The following RORA variants were observed in gnomAD, a reference collection of about 807,000 sequenced individuals.
The protein encoded by RORA is nuclear receptor ROR-alpha.
RORA carries 7 observed loss-of-function variants against 69.5 expected under a neutral mutation model. That is an observed-to-expected ratio of 0.10 (90% confidence interval 0.06 to 0.19). The LOEUF is 0.19. Among genes scored for constraint, RORA ranks in the 10% least tolerant of loss-of-function variants. The pLI, the probability that RORA is intolerant of heterozygous loss-of-function variation, is 1.00. For synonymous variants in RORA, 261 were observed against 240.8 expected, an observed-to-expected ratio of 1.08 and a Z score of -0.78; for missense variants, 457 against 663.0, an observed-to-expected ratio of 0.69 and a Z score of 3.41.
At chr15:60,859,651 C>CTTTTTTTTTTTTTTTTT (rs1208480913) in intron 1 of RORA, among the ~76,000 whole-genome samples, 2 of 96,424 alleles carry the variant, frequency 2.1e-5, no homozygotes, top group Non-Finnish European at 3.9e-5. Context: ...TTCTTTCTTT[C>CTTTTTTTTTTTTTTTTT]TTTCTTTTTT....
In RORA at chr15:60,728,579, G is replaced by A. The variant is rs146662069; in HGVS notation, c.167-49893C>T. Among the ~76,000 whole-genome samples the A allele has an allele frequency of 5.6e-3, 857 of 152,212 alleles. 7 individuals carry two copies. The highest frequency in any genetic ancestry group is 0.019 in the African/African-American group (783 of 41,502). On this transcript the variant is annotated intron_variant, in intron 1 of 10. Transcript: ENST00000335670. ...CAGAGACACACAATTCACTTATAAA[G>A]TTGAATGAGGGGATTAAAAATGAAG...
At chr15:61,190,863 A>T (rs2079792446) in intron 1 of RORA, among the ~76,000 whole-genome samples, 1 of 152,242 alleles carries the variant, frequency 6.6e-6, no homozygotes, top group African/African-American at 2.4e-5. Flanking sequence ...ATATATATTT[A>T]TATAAAGTAT....
intron 1 of RORA, among the ~76,000 whole-genome samples, chr15:60,893,702 G>A (rs1179306860): frequency 6.6e-6 from 1 of 152,092 alleles, no homozygotes; most frequent in Non-Finnish European, 1.5e-5. Flanking sequence ...AAGCCTCTAG[G>A]GGATCAATAA....
intron 1 of RORA, among the ~76,000 whole-genome samples, chr15:60,988,351 T>C (rs961478382): frequency 1.3e-5 from 2 of 152,132 alleles, no homozygotes. Flanking sequence ...AGCATGCTAA[T>C]AGCCAGGAAG....
intron 1 of RORA, among the ~76,000 whole-genome samples, chr15:60,723,681 C>T (rs2140827838): frequency 6.6e-6 from 1 of 152,286 alleles, no homozygotes; most frequent in African/African-American, 2.4e-5. Context: ...GGAGTACACA[C>T]AACTCCATCC....
intron 10 of RORA, among the ~76,000 whole-genome samples, chr15:60,498,155 G>T (rs1287543766): frequency 6.6e-6 from 1 of 152,156 alleles, no homozygotes; most frequent in African/African-American, 2.4e-5. Flanking sequence ...TCAATAACTA[G>T]AAAAGATGTT....
At chr15:60,923,263 T>C (rs1274716882) in intron 1 of RORA, among the ~76,000 whole-genome samples, 2 of 152,242 alleles carry the variant, frequency 1.3e-5, no homozygotes, top group Admixed American at 6.5e-5. Context: ...TAGAAGTTCT[T>C]ACCACGTTTT....
chr15:60,888,967 C>T (rs113661026), intron 1 of RORA, among the ~76,000 whole-genome samples: 204 of 152,280 alleles, frequency 1.3e-3, no homozygotes, highest in Non-Finnish European at 1.9e-3. Context: ...AAAAACAATG[C>T]GTCTTCAATT....
intron 2 of RORA, among the ~76,000 whole-genome samples, chr15:60,553,648 C>T (rs1169634774): frequency 6.6e-6 from 1 of 152,190 alleles, no homozygotes; most frequent in Non-Finnish European, 1.5e-5. Flanking sequence ...TACCCTACCC[C>T]TATCTGCCTA....
intron 1 of RORA, among the ~76,000 whole-genome samples, chr15:61,181,575 T>A (rs1039926266): frequency 1.6e-4 from 23 of 147,642 alleles, no homozygotes; most frequent in African/African-American, 5.8e-4. Flanking sequence ...CTGAAATTAA[T>A]CAGACTTTGT....
Position 60,788,641 on chromosome 15 carries a change from C to G in RORA, c.167-109955G>C, listed in dbSNP as rs189016353. Reference sequence around the variant, plus strand: ...AGCTTGGCCTGTGCCTCCCTCCTTTCCTCCCCAGGCAGGATCCACACAGTC... The same window carrying G: ...AGCTTGGCCTGTGCCTCCCTCCTTTGCTCCCCAGGCAGGATCCACACAGTC... On this transcript the variant is annotated intron_variant, in intron 1 of 10. Coordinates refer to ENST00000335670, the MANE Select transcript of RORA (RefSeq NM_134261.3). Among the ~76,000 whole-genome samples, 540 of 152,250 alleles carry G rather than the reference C, an allele frequency of 3.5e-3. 2 individuals carry two copies. Among genetic ancestry groups the G allele is most frequent in the Non-Finnish European group, 4.8e-3 (328 of 68,008 alleles).
At chr15:60,728,363 C>T (rs1190518520) in intron 1 of RORA, among the ~76,000 whole-genome samples, 1 of 152,164 alleles carries the variant, frequency 6.6e-6, no homozygotes, top group Non-Finnish European at 1.5e-5. Flanking sequence ...CACCCTTGGA[C>T]CTAGACAATA....
At chr15:60,920,553 G>C (rs1892010361) in intron 1 of RORA, among the ~76,000 whole-genome samples, 1 of 152,090 alleles carries the variant, frequency 6.6e-6, no homozygotes, top group Admixed American at 6.6e-5. Flanking sequence ...TGGGTGCTAG[G>C]AACAACAGGC....
chr15:60,781,236 G>C (rs1388506726), intron 1 of RORA, among the ~76,000 whole-genome samples: 1 of 152,188 alleles, frequency 6.6e-6, no homozygotes, highest in Non-Finnish European at 1.5e-5. Flanking sequence ...CTCCAGGTGA[G>C]AACAAACTCA....
intron 1 of RORA, among the ~76,000 whole-genome samples, chr15:60,966,923 C>A (rs967123443): frequency 2.0e-5 from 3 of 152,220 alleles, no homozygotes; most frequent in African/African-American, 7.2e-5. Context: ...CATGATGTTT[C>A]TGCAGGGCCA....
At chr15:60,926,774 C>T (rs921426501) in intron 1 of RORA, among the ~76,000 whole-genome samples, 8 of 152,116 alleles carry the variant, frequency 5.3e-5, no homozygotes, top group Middle Eastern at 3.2e-3. Context: ...ATAAACATGA[C>T]GCATAAAAAT....
intron 1 of RORA, among the ~76,000 whole-genome samples, chr15:61,177,185 CCAG>C (rs1215590374): frequency 6.6e-6 from 1 of 152,176 alleles, no homozygotes; most frequent in African/African-American, 2.4e-5. Flanking sequence ...AATGCTACTT[CCAG>C]CAGAGAAGAG....
intron 1 of RORA, among the ~76,000 whole-genome samples, chr15:60,684,296 A>C (rs2070704426): frequency 6.6e-6 from 1 of 152,024 alleles, no homozygotes; most frequent in Non-Finnish European, 1.5e-5. Flanking sequence ...GATATTATAA[A>C]CATGAAAAAA....
chr15:60,687,970 A>G (rs2140768424), intron 1 of RORA, among the ~76,000 whole-genome samples: 1 of 152,346 alleles, frequency 6.6e-6, no homozygotes, highest in African/African-American at 2.4e-5. Context: ...AGGAGAGGAA[A>G]AAGATTTCTT....
Sources: allele counts gnomAD v4.1 joint callset (sites outside exome capture counted in the v4.1 genomes callset), GRCh38; gene constraint gnomAD v4.1.1; transcripts MANE v1.5; gene names NCBI Gene and HGNC (gene_info 2026-07-23, HGNC 2026-07-21).